Variants in TANGO6 observed in about 807,000 individuals in gnomAD.
TANGO6 encodes transport and Golgi organization protein 6 homolog.
In TANGO6, 90 loss-of-function variants were observed where a neutral mutation model predicts 114.2. The ratio of observed to expected loss-of-function variants is 0.79; its 90% CI spans 0.66 to 0.94. The LOEUF (loss-of-function observed/expected upper bound fraction) is 0.94. Among genes scored for constraint, TANGO6 ranks in the 40% least tolerant of loss-of-function variants. The probability of loss-of-function intolerance (pLI) is 0.00; values close to 1 mark genes in which losing one functional copy is unlikely to be tolerated. For synonymous variants in TANGO6, 477 were observed against 509.8 expected (o/e 0.94, Z 0.87); for missense variants, 1,274 against 1,315.3 (o/e 0.97, Z 0.49).
At chr16:69,024,526 C>G (rs572059869) in intron 16 of TANGO6, among the ~76,000 whole-genome samples, 2 of 152,298 alleles carry the variant, frequency 1.3e-5, no homozygotes, top group African/African-American at 4.8e-5. Context: ...CTCGGCCTCC[C>G]AAAGTGCTGG....
chr16:69,007,935 C>A (rs140357390), intron 15 of TANGO6, among the ~76,000 whole-genome samples: 1 of 152,012 alleles, frequency 6.6e-6, no homozygotes, highest in Admixed American at 6.6e-5. Flanking sequence ...GCTTCTTGGA[C>A]GTTCATATAT....
intron 17 of TANGO6, among the ~76,000 whole-genome samples, chr16:69,054,036 G>A (rs944135586): frequency 9.9e-5 from 15 of 152,210 alleles, no homozygotes; most frequent in East Asian, 3.9e-4. Flanking sequence ...TTGCACTCCA[G>A]CCTGGGCAAC....
intron 1 of TANGO6, among the ~76,000 whole-genome samples, chr16:68,850,597 A>G (rs745864951): frequency 1.8e-4 from 27 of 152,196 alleles, no homozygotes; most frequent in Non-Finnish European, 2.4e-4. Context: ...TTATGCTGCT[A>G]ACTTAATATA....
chr16:68,862,511 G>A (rs1962111079), intron 2 of TANGO6, among the ~76,000 whole-genome samples: 1 of 152,126 alleles, frequency 6.6e-6, no homozygotes, highest in Non-Finnish European at 1.5e-5. Context: ...ACAAAACAGT[G>A]CTCTTCAGAA....
chr16:68,903,946 A>G (rs1200165624), intron 9 of TANGO6, among the ~76,000 whole-genome samples: 4 of 152,086 alleles, frequency 2.6e-5, no homozygotes, highest in Admixed American at 6.5e-5. Flanking sequence ...AAGTTTATTT[A>G]AAGAAACTCT....
At chr16:68,850,965 G>GA (rs1961893386) in intron 1 of TANGO6, among the ~76,000 whole-genome samples, 1 of 151,964 alleles carries the variant, frequency 6.6e-6, no homozygotes, top group African/African-American at 2.4e-5. Flanking sequence ...AATAAAATTA[G>GA]ATACAGTTAT....
intron 5 of TANGO6, 130 bp downstream of exon 5, chr16:68,875,420 T>C (rs1298882549): frequency 5.2e-6 from 6 of 1,146,328 alleles, no homozygotes; most frequent in Non-Finnish European, 7.1e-6. Flanking sequence ...GTGAGGAGCC[T>C]TCTTAATAAA....
At position 68,875,207 on chromosome 16, in the gene TANGO6, T is replaced by G. The variant is rs1596999818; in HGVS notation, c.1048T>G (p.Cys350Gly). 6.2e-7 allele frequency: 1 copy of G among 1,613,606 alleles called. No homozygotes were observed. The highest frequency in any genetic ancestry group is 8.5e-7 in the Non-Finnish European group (1 of 1,179,720). The change falls in exon 5 of 18, where the codon TGT (cysteine) becomes GGT (glycine). Residue 350 changes from cysteine to glycine, a missense_variant. Around this residue, in one of 5 missense-constraint regions of TANGO6, gnomAD observed 908 missense variants for 910.2 expected, o/e 1.00. Transcript: ENST00000261778. Reference protein sequence around the residue: ...AEVTAADWKKCDLIAKILASC... With the variant: ...AEVTAADWKKGDLIAKILASC... ...GGTGACGGCTGCTGACTGGAAGAAG[T>G]GTGACCTGATCGCAAAGATTTTGGC...
intron 15 of TANGO6, among the ~76,000 whole-genome samples, chr16:68,975,588 TACTC>T (rs1461444466): frequency 6.6e-6 from 1 of 151,914 alleles, no homozygotes; most frequent in Non-Finnish European, 1.5e-5. Flanking sequence ...GACAGGGTCT[TACTC>T]AGTCACCCAG....
intron 7 of TANGO6, among the ~76,000 whole-genome samples, chr16:68,882,902 G>A (rs182922880): frequency 2.6e-5 from 4 of 152,016 alleles, no homozygotes; most frequent in African/African-American, 7.2e-5. Context: ...CCTGTAGTCC[G>A]AGCTACTCAG....
At chr16:68,844,929 T>C (rs1044707401) in intron 1 of TANGO6, among the ~76,000 whole-genome samples, 3 of 152,014 alleles carry the variant, frequency 2.0e-5, no homozygotes, top group Non-Finnish European at 4.4e-5. Flanking sequence ...GAATTTTAAG[T>C]TGCTAATCGA....
At chr16:68,987,362 C>T (rs1567554000) in intron 15 of TANGO6, among the ~76,000 whole-genome samples, 1 of 151,874 alleles carries the variant, frequency 6.6e-6, no homozygotes, top group African/African-American at 2.4e-5. Context: ...GTTGTTGTTG[C>T]TGTTGTTGTT....
chr16:68,947,213 T>C (rs556915296), intron 14 of TANGO6, among the ~76,000 whole-genome samples: 1 of 152,150 alleles, frequency 6.6e-6, no homozygotes, highest in East Asian at 1.9e-4. Context: ...ATCCCAGCAC[T>C]TTGGGAGGCC....
chr16:69,052,269 CT>C (rs34982291), intron 17 of TANGO6, among the ~76,000 whole-genome samples: 47,045 of 122,134 alleles, frequency 0.39, 9,240 homozygotes, highest in East Asian at 0.51. Context: ...TTTTTCTTTT[CT>C]TTTTTTTTTT....
chr16:68,853,249 G>A lies in TANGO6; in HGVS notation c.95-6635G>A, dbSNP rs933673863. On this transcript the variant is annotated intron_variant, in intron 1 of 17. Coordinates refer to ENST00000261778, the MANE Select transcript of TANGO6 (RefSeq NM_024562.2). ...TCTGAGATCACACCACTGCACTCTA[G>A]CCTGGGTGACAGAGCGAGACTCTGT... Among the ~76,000 whole-genome samples the A allele has an allele frequency of 3.3e-5, 5 of 149,738 alleles. No individual in the cohort carries two copies. The Admixed American group carries it at 3.4e-4, about 10-fold the overall frequency.
chr16:68,862,529 C>T (rs77464883), intron 2 of TANGO6, among the ~76,000 whole-genome samples: 14,730 of 152,258 alleles, frequency 0.097, 808 homozygotes, highest in Non-Finnish European at 0.13. Flanking sequence ...GAATTAGACA[C>T]TGTCACTACT....
chr16:68,903,785 G>A (rs1198134106), intron 9 of TANGO6, among the ~76,000 whole-genome samples: 1 of 151,958 alleles, frequency 6.6e-6, no homozygotes, highest in East Asian at 1.9e-4. Context: ...AGCCGGTTGT[G>A]GTGGCTGGCG....
intron 14 of TANGO6, among the ~76,000 whole-genome samples, chr16:68,939,577 A>ATTT (rs576027928): frequency 1.5e-4 from 21 of 137,532 alleles, no homozygotes; most frequent in African/African-American, 5.0e-4. Flanking sequence ...ACTAAAAGGA[A>ATTT]TTTTTTTTTT....
chr16:68,945,675 T>C (rs1963407101), intron 14 of TANGO6, among the ~76,000 whole-genome samples: 2 of 152,186 alleles, frequency 1.3e-5, no homozygotes, highest in Non-Finnish European at 1.5e-5. Context: ...GAGAAGTGTC[T>C]ATTCAGATTC....
Sources: allele counts gnomAD v4.1 joint callset (sites outside exome capture counted in the v4.1 genomes callset), GRCh38; gene constraint gnomAD v4.1.1; regional missense constraint gnomAD v4.1.1; transcripts MANE v1.5; gene names NCBI Gene and HGNC (gene_info 2026-07-23, HGNC 2026-07-21).